ANKS1A: variants seen among roughly 807,000 people sequenced by gnomAD.
The protein encoded by ANKS1A is ankyrin repeat and SAM domain-containing protein 1A.
Under a neutral mutation model 120.3 loss-of-function variants are expected in ANKS1A, and 55 were observed. The ratio of observed to expected loss-of-function variants is 0.46; its 90% CI spans 0.37 to 0.57. ANKS1A has a LOEUF of 0.57. ANKS1A is among the 20% of genes least tolerant of loss of function. The pLI, the probability that ANKS1A is intolerant of heterozygous loss-of-function variation, is 0.00. For synonymous variants in ANKS1A, 590 were observed against 604.7 expected (o/e 0.98, Z 0.36); for missense variants, 1,123 against 1,480.3 (o/e 0.76, Z 3.96).
intron 3 of ANKS1A, among the ~76,000 whole-genome samples, chr6:34,972,348 AG>A (rs991941154): frequency 3.9e-5 from 6 of 152,142 alleles, no homozygotes; most frequent in African/African-American, 1.4e-4. Flanking sequence ...AGTGGTTACA[AG>A]TACTATATTG....
At position 35,076,766 on chromosome 6, in the gene ANKS1A, A is replaced by AT. The variant is rs1197956917; in HGVS notation, c.2185-1790dup. Among the ~76,000 whole-genome samples, 21 of 152,118 alleles carry AT rather than the reference A, an allele frequency of 1.4e-4. 1 individual carries two copies. Among genetic ancestry groups the AT allele is most frequent in the Admixed American group, 7.8e-4 (12 of 15,290 alleles). The stretch of plus-strand genomic sequence containing the variant: ...TGCCTCAGCCTCCCGAGTAGCTGGG[A>AT]TTACAGGCGCCTGCCACCACGCCCG... On this transcript the variant is annotated intron_variant, in intron 13 of 23. Transcript: ENST00000360359.
intron 1 of ANKS1A, among the ~76,000 whole-genome samples, chr6:34,952,123 C>T (rs1445489679): frequency 1.3e-5 from 2 of 152,156 alleles, no homozygotes; most frequent in Non-Finnish European, 2.9e-5. Flanking sequence ...TCTAGCTCTG[C>T]GACCCTGGGT....
chr6:34,941,370 C>T (rs78026272), intron 1 of ANKS1A, among the ~76,000 whole-genome samples: 2,436 of 151,890 alleles, frequency 0.016, 44 homozygotes, highest in African/African-American at 0.041. Flanking sequence ...TTACATAATC[C>T]ACAACTTGGC....
At chr6:35,005,582 A>G (rs1442126839) in intron 10 of ANKS1A, among the ~76,000 whole-genome samples, 2 of 152,256 alleles carry the variant, frequency 1.3e-5, no homozygotes, top group Non-Finnish European at 2.9e-5. Context: ...AAAAGCAGAT[A>G]GTATATTGCT....
At chr6:35,066,060 C>T (rs1438237363) in intron 13 of ANKS1A, among the ~76,000 whole-genome samples, 4 of 152,178 alleles carry the variant, frequency 2.6e-5, no homozygotes, top group Admixed American at 1.3e-4. Flanking sequence ...TCCAGGTCCC[C>T]GCCCTGTGTG....
rs199972193 is a variant in ANKS1A, at chr6:35,084,299, G to A, written c.3132+41G>A. The A allele has an allele frequency of 2.2e-5, 36 of 1,608,184 alleles. No homozygotes were observed. The African/African-American group carries it at 3.5e-4, about 15-fold the overall frequency. On this transcript the variant is annotated intron_variant, in intron 21 of 23. Coordinates refer to ENST00000360359, the MANE Select transcript of ANKS1A (RefSeq NM_015245.3). This position sits in a 1 kb window ranked among gnomAD's most constrained non-coding sequence, Gnocchi z 4.8. The stretch of plus-strand genomic sequence containing the variant: ...GGGCCGGGTGGGGCAGGCTTGGGTT[G>A]CAGCCCTGAGGCGTCCAGCCCCATT...
intron 13 of ANKS1A, among the ~76,000 whole-genome samples, chr6:35,067,129 G>A (rs1361238508): frequency 6.6e-6 from 1 of 152,148 alleles, no homozygotes; most frequent in Non-Finnish European, 1.5e-5. Context: ...AGGCCTCAGG[G>A]AGCATGGCTT....
At position 34,889,830 on chromosome 6, in the gene ANKS1A, G is replaced by A. The variant is rs530112310; in HGVS notation, c.197+231G>A. Among the ~76,000 whole-genome samples, 44 of 152,252 alleles carry A rather than the reference G, an allele frequency of 2.9e-4. No homozygotes were observed. The highest frequency in any genetic ancestry group is 9.9e-4 in the African/African-American group (41 of 41,534). ...TTCTGACCCGGCTGCGAAGAATGGT[G>A]GGAGTGCCCAGGTGGCAGCCTCCGC... On this transcript the variant is annotated intron_variant, in intron 1 of 23. Coordinates refer to ENST00000360359, the MANE Select transcript of ANKS1A (RefSeq NM_015245.3). The surrounding 1 kb of genome is among the most constrained non-coding windows in gnomAD (Gnocchi z 5.5).
At chr6:34,983,051 A>C in intron 5 of ANKS1A, 62 bp from the exon 6 acceptor site, 1 of 1,504,178 alleles carries the variant, frequency 6.6e-7, no homozygotes, top group Admixed American at 1.7e-5. Flanking sequence ...CTAAAATTTG[A>C]CCCTTTTGGA....
intron 1 of ANKS1A, among the ~76,000 whole-genome samples, chr6:34,932,820 A>T (rs1769056000): frequency 6.6e-6 from 1 of 152,264 alleles, no homozygotes; most frequent in Non-Finnish European, 1.5e-5. Flanking sequence ...ACATCCATAT[A>T]CAAAGTTTTG....
intron 23 of ANKS1A, among the ~76,000 whole-genome samples, chr6:35,088,371 G>T (rs973233959): frequency 4.6e-5 from 7 of 152,160 alleles, no homozygotes; most frequent in Non-Finnish European, 7.4e-5. Context: ...AACCCAAGTC[G>T]ATAAACTGGG....
At chr6:34,902,860 A>G (rs1205372348) in intron 1 of ANKS1A, among the ~76,000 whole-genome samples, 2 of 148,120 alleles carry the variant, frequency 1.4e-5, no homozygotes, top group Admixed American at 6.7e-5. Context: ...TAGACTTGCT[A>G]TTGTCTTCAG....
intron 1 of ANKS1A, among the ~76,000 whole-genome samples, chr6:34,936,913 G>A (rs540527211): frequency 2.4e-4 from 37 of 152,262 alleles, no homozygotes; most frequent in African/African-American, 8.9e-4. Context: ...ATTTGATCCG[G>A]TATCTACTAT....
At position 34,967,331 on chromosome 6, in the gene ANKS1A, T is replaced by C; in HGVS notation, c.278+12T>C. ...TTGAATGGCCATAAGTAAGTATCAA[T>C]GTACTACATTCCTGCCTTCACCCTT... On this transcript the variant is annotated intron_variant, in intron 2 of 23. Transcript: ENST00000360359. 6.2e-7 allele frequency: 1 copy of C among 1,612,782 alleles called. No individual in the cohort carries two copies. The highest frequency in any genetic ancestry group is 8.5e-7 in the Non-Finnish European group (1 of 1,179,356).
chr6:35,073,228 G>T (rs942267162), intron 13 of ANKS1A, among the ~76,000 whole-genome samples: 3 of 152,146 alleles, frequency 2.0e-5, no homozygotes, highest in African/African-American at 7.2e-5. Context: ...CCCGGCAGAG[G>T]GTGCCCAGGG....
At chr6:34,974,814 A>T (rs1189841488) in intron 3 of ANKS1A, among the ~76,000 whole-genome samples, 1 of 152,204 alleles carries the variant, frequency 6.6e-6, no homozygotes, top group African/African-American at 2.4e-5. Context: ...TTGAGATACT[A>T]ATTTTTTAAA....
At chr6:34,954,809 C>T (rs752204499) in intron 1 of ANKS1A, among the ~76,000 whole-genome samples, 7 of 152,174 alleles carry the variant, frequency 4.6e-5, no homozygotes, top group Non-Finnish European at 1.0e-4. Context: ...GGGAAAGCAG[C>T]CATTTCCAGT....
intron 10 of ANKS1A, among the ~76,000 whole-genome samples, chr6:35,006,439 T>G (rs1773461124): frequency 6.6e-6 from 1 of 151,994 alleles, no homozygotes. Flanking sequence ...GTGATGTAAT[T>G]ATTCCTCATT....
intron 10 of ANKS1A, among the ~76,000 whole-genome samples, chr6:35,011,744 G>A (rs1404511037): frequency 6.6e-6 from 1 of 152,154 alleles, no homozygotes; most frequent in Non-Finnish European, 1.5e-5. Context: ...TCAGGAGAAG[G>A]GAAACCAGCC....
Sources: gnomAD v4.1 joint callset for allele counts (sites outside exome capture counted in the v4.1 genomes callset) on GRCh38, gnomAD v4.1.1 for gene constraint, Gnocchi (gnomAD v3.1) non-coding constraint, MANE v1.5 for transcripts, NCBI Gene and HGNC (gene_info 2026-07-23, HGNC 2026-07-21) for gene names.